HUNK: variants seen among roughly 807,000 people sequenced by gnomAD.
HUNK encodes hormonally up-regulated Neu-associated kinase.
HUNK carries 21 observed loss-of-function variants against 61.0 expected under a neutral mutation model. The observed-to-expected ratio is 0.34, with a 90% CI of 0.24 to 0.50. The LOEUF (loss-of-function observed/expected upper bound fraction) is 0.50, where lower values mean the gene tolerates loss of function less well. Among genes scored for constraint, HUNK ranks in the 20% least tolerant of loss-of-function variants. The probability of loss-of-function intolerance (pLI) is 0.98; values close to 1 mark genes in which losing one functional copy is unlikely to be tolerated. For synonymous variants in HUNK, 371 were observed against 386.1 expected (o/e 0.96, Z 0.46); for missense variants, 772 against 945.7 (o/e 0.82, Z 2.41).
intron 9 of HUNK, 67 bp from the exon 10 acceptor site, chr21:31,995,701 T>C: frequency 7.6e-7 from 1 of 1,312,172 alleles, no homozygotes; most frequent in Non-Finnish European, 1.1e-6. Context: ...GGATGACTTT[T>C]CAAAGAGGAA....
chr21:31,898,351 C>T (rs1463823742), intron 1 of HUNK, among the ~76,000 whole-genome samples: 2 of 152,082 alleles, frequency 1.3e-5, no homozygotes, highest in South Asian at 2.1e-4. Context: ...CTGCAACCTC[C>T]GCCTCCCAGT....
chr21:31,997,012 C>T (rs778190497), intron 10 of HUNK, among the ~76,000 whole-genome samples: 3 of 152,188 alleles, frequency 2.0e-5, no homozygotes, highest in Non-Finnish European at 2.9e-5. Flanking sequence ...GTGCCTGCGC[C>T]GGCCTTTCAT....
chr21:31,971,951 C>T (rs997825639), intron 6 of HUNK, among the ~76,000 whole-genome samples: 1 of 151,642 alleles, frequency 6.6e-6, no homozygotes, highest in African/African-American at 2.4e-5. Context: ...GCCTCAGCTT[C>T]TATAGTAGAG....
intron 4 of HUNK, 107 bp from the exon 5 acceptor site, chr21:31,958,736 G>T (rs1387075095): frequency 9.4e-7 from 1 of 1,061,196 alleles, no homozygotes; most frequent in Non-Finnish European, 1.3e-6. Context: ...GCCTGTTGAG[G>T]TTGGCATGGA....
rs369086706 is a variant in HUNK, at chr21:32,000,697, C to G, written c.*1513C>G. ...AAAACACAAATCTAGAATTGCAAAG[C>G]CAGCCTTTATTTCCCTGGCAGGCAG... On this transcript the variant is annotated 3_prime_UTR_variant, in exon 11 of 11. Coordinates refer to ENST00000270112, the MANE Select transcript of HUNK (RefSeq NM_014586.2). The G allele has an allele frequency of 2.5e-6, 1 of 398,802 alleles. No individual in the cohort carries two copies. The highest frequency in any genetic ancestry group is 4.4e-6 in the Non-Finnish European group (1 of 226,122). The allele number at this position is 398,802 out of a possible 1,614,324, so 24.7% of individuals were successfully genotyped here.
chr21:31,878,732 T>C (rs985820801), intron 1 of HUNK, among the ~76,000 whole-genome samples: 12 of 152,078 alleles, frequency 7.9e-5, no homozygotes, highest in Admixed American at 3.3e-4. Context: ...TTGTAAAAAA[T>C]TGATAAAAGT....
chr21:31,988,672 T>C (rs2053150425), intron 8 of HUNK, among the ~76,000 whole-genome samples: 1 of 123,042 alleles, frequency 8.1e-6, no homozygotes, highest in African/African-American at 3.1e-5. Flanking sequence ...TTTCTTTCTT[T>C]CTCTTTCTTT....
intron 1 of HUNK, among the ~76,000 whole-genome samples, chr21:31,918,769 T>C (rs993614825): frequency 4.6e-5 from 7 of 152,234 alleles, no homozygotes; most frequent in Non-Finnish European, 1.0e-4. Flanking sequence ...CCTCCCCATC[T>C]GAAGACCATT....
intron 1 of HUNK, among the ~76,000 whole-genome samples, chr21:31,922,723 C>T (rs898189349): frequency 2.0e-5 from 3 of 152,308 alleles, no homozygotes; most frequent in African/African-American, 7.2e-5. Flanking sequence ...TTATCATGAA[C>T]TATGTCCACA....
intron 2 of HUNK, among the ~76,000 whole-genome samples, chr21:31,933,059 G>A (rs1040917295): frequency 1.3e-4 from 19 of 151,792 alleles, no homozygotes; most frequent in African/African-American, 4.4e-4. Context: ...GAGACTACAG[G>A]CGCCCATCAC....
chr21:31,887,004 G>A (rs2052351588), intron 1 of HUNK, among the ~76,000 whole-genome samples: 1 of 152,178 alleles, frequency 6.6e-6, no homozygotes, highest in South Asian at 2.1e-4. Flanking sequence ...GCCTTCTAGG[G>A]GGTAATGTCC....
chr21:31,876,649 G>C (rs573295979), intron 1 of HUNK, among the ~76,000 whole-genome samples: 2 of 152,278 alleles, frequency 1.3e-5, no homozygotes, highest in East Asian at 1.9e-4. Context: ...CCTGGGGAAA[G>C]TTTCCTCCAG....
intron 2 of HUNK, among the ~76,000 whole-genome samples, chr21:31,938,719 C>T (rs1056400928): frequency 9.2e-5 from 14 of 152,094 alleles, no homozygotes; most frequent in Non-Finnish European, 1.8e-4. Context: ...TGTTTAAAAA[C>T]GGTGGAAGAG....
At chr21:31,907,755 C>T (rs1194612000) in intron 1 of HUNK, among the ~76,000 whole-genome samples, 3 of 152,008 alleles carry the variant, frequency 2.0e-5, no homozygotes, top group East Asian at 1.9e-4. Context: ...TCTGGGAGGC[C>T]GAGGCAGGCG....
intron 4 of HUNK, among the ~76,000 whole-genome samples, chr21:31,949,219 G>T (rs1248474923): frequency 2.0e-5 from 3 of 152,220 alleles, no homozygotes; most frequent in African/African-American, 7.2e-5. Flanking sequence ...CTGATGACGG[G>T]CCCAGGTGGG....
rs752462656 is a variant in HUNK at position 31,990,110 on chromosome 21, A to G, written c.1258-19A>G. 3.7e-6 allele frequency: 6 copies of G among 1,612,354 alleles called. No individual in the cohort carries two copies. In the Admixed American group the frequency reaches 1.0e-4, roughly 27 times the overall value. ...CAGGTGCAGATTCTCGAATTGTTGAAGGATGTTCCTTTTCACAGGCCTCTC... is the reference window on the plus strand; with the variant it reads ...CAGGTGCAGATTCTCGAATTGTTGAGGGATGTTCCTTTTCACAGGCCTCTC... On this transcript the variant is annotated intron_variant, in intron 8 of 10. Coordinates refer to ENST00000270112, the MANE Select transcript of HUNK (RefSeq NM_014586.2).
chr21:31,983,676 GAAAAGAAA>G, intron 8 of HUNK, 67 bp downstream of exon 8: 4 of 1,132,216 alleles, frequency 3.5e-6, no homozygotes, highest in Non-Finnish European at 5.3e-6. Context: ...GCAGTAATTG[GAAAAGAAA>G]CCAATTACTG....
At chr21:31,936,796 G>A (rs2052735838) in intron 2 of HUNK, among the ~76,000 whole-genome samples, 1 of 151,662 alleles carries the variant, frequency 6.6e-6, no homozygotes, top group Non-Finnish European at 1.5e-5. Flanking sequence ...TAATCACTGT[G>A]GTTGTTCTCT....
chr21:31,974,706 T>C lies in HUNK; in HGVS notation c.1162T>C (p.Tyr388His). Residue 388 changes from tyrosine to histidine, a missense_variant, in exon 7 of 11, where the codon TAT becomes CAT. By Grantham distance (83) the Tyr-to-His change is moderately conservative (BLOSUM62 2). Transcript: ENST00000270112. ...CCTCTTAAACAAGAAACTGGAGCGC[T>C]ATTTGTCAGGGGTAAGTGCGACCCT... ...YFLLNKKLERYLSGKSDIQDS... is the reference protein window; with the variant it reads ...YFLLNKKLERHLSGKSDIQDS... The C allele has an allele frequency of 1.2e-6, 2 of 1,613,364 alleles. No homozygotes were observed. Among genetic ancestry groups the C allele is most frequent in the Non-Finnish European group, 1.7e-6 (2 of 1,179,686 alleles).
Sources: gnomAD v4.1 joint callset for allele counts (sites outside exome capture counted in the v4.1 genomes callset) on GRCh38, gnomAD v4.1.1 for gene constraint, MANE v1.5 for transcripts, NCBI Gene and HGNC (gene_info 2026-07-23, HGNC 2026-07-21) for gene names.